The following NOL4 variants were observed in gnomAD, a reference collection of about 807,000 sequenced individuals.
The protein encoded by NOL4 is cancer/testis antigen 125.
Under a neutral mutation model 75.9 loss-of-function variants are expected in NOL4, and 17 were observed. The observed-to-expected ratio is 0.22, with a 90% CI of 0.15 to 0.34. The LOEUF (loss-of-function observed/expected upper bound fraction) is 0.34. Among genes scored for constraint, NOL4 ranks in the 10% least tolerant of loss-of-function variants. NOL4 has a pLI of 1.00. For missense variants in NOL4, 614 were observed against 793.5 expected, an observed-to-expected ratio of 0.77 and a Z score of 2.72; for synonymous variants, 292 against 289.9, an observed-to-expected ratio of 1.01 and a Z score of -0.07.
intron 1 of NOL4, among the ~76,000 whole-genome samples, chr18:34,130,281 T>A (rs899899290): frequency 1.3e-5 from 2 of 152,102 alleles, no homozygotes; most frequent in Non-Finnish European, 2.9e-5. Context: ...TTTAAGTTTT[T>A]ATAATGACTT....
At chr18:33,947,670 T>C (rs776813808) in intron 8 of NOL4, among the ~76,000 whole-genome samples, 49 of 151,996 alleles carry the variant, frequency 3.2e-4, no homozygotes, top group South Asian at 1.7e-3. Flanking sequence ...GAATATTTAT[T>C]ACATATTTAT....
intron 9 of NOL4, among the ~76,000 whole-genome samples, chr18:33,886,389 G>A (rs1043223062): frequency 1.5e-4 from 23 of 151,590 alleles, no homozygotes; most frequent in African/African-American, 4.8e-4. Flanking sequence ...TTAGCTGGGC[G>A]TGGTGGTGGG....
intron 10 of NOL4, among the ~76,000 whole-genome samples, chr18:33,874,049 G>A (rs1421375757): frequency 6.6e-6 from 1 of 151,906 alleles, no homozygotes; most frequent in Non-Finnish European, 1.5e-5. Context: ...AGATTTCTCT[G>A]GATGTCTAGA....
chr18:34,007,189 G>A (rs1426426465), intron 6 of NOL4, among the ~76,000 whole-genome samples: 1 of 151,930 alleles, frequency 6.6e-6, no homozygotes, highest in Non-Finnish European at 1.5e-5. Context: ...GTGCTGGCTG[G>A]GGTAATTGCT....
At chr18:33,903,157 G>T (rs1397939314) in intron 9 of NOL4, among the ~76,000 whole-genome samples, 1 of 152,112 alleles carries the variant, frequency 6.6e-6, no homozygotes, top group African/African-American at 2.4e-5. Flanking sequence ...CTGTATGGCT[G>T]GGGAGGCCTC....
At chr18:34,101,426 C>T (rs1023094539) in intron 4 of NOL4, among the ~76,000 whole-genome samples, 1 of 152,020 alleles carries the variant, frequency 6.6e-6, no homozygotes, top group African/African-American at 2.4e-5. Flanking sequence ...AGCCCCATGC[C>T]CCAAAAGAGA....
intron 1 of NOL4, among the ~76,000 whole-genome samples, chr18:34,167,561 T>TAGATAGATAGAC (rs1200688846): frequency 2.7e-4 from 40 of 150,692 alleles, no homozygotes; most frequent in East Asian, 2.1e-3. Context: ...GATAGATAGA[T>TAGATAGATAGAC]AGACAGACAG....
intron 6 of NOL4, among the ~76,000 whole-genome samples, chr18:33,987,812 G>A (rs1197039553): frequency 6.6e-6 from 1 of 152,076 alleles, no homozygotes; most frequent in Non-Finnish European, 1.5e-5. Flanking sequence ...GGGCATAGCA[G>A]TAGGTAGGCA....
chr18:34,192,782 T>A (rs762846534), intron 1 of NOL4, among the ~76,000 whole-genome samples: 18 of 152,136 alleles, frequency 1.2e-4, no homozygotes, highest in Non-Finnish European at 2.4e-4. Flanking sequence ...TTTTCAGAGG[T>A]AACCAGGTCA....
intron 9 of NOL4, among the ~76,000 whole-genome samples, chr18:33,918,761 A>C (rs2066871661): frequency 6.6e-6 from 1 of 152,232 alleles, no homozygotes. Context: ...GGTGAATCAA[A>C]AATCCTGTCA....
At chr18:34,064,436 T>C (rs1455680490) in intron 5 of NOL4, among the ~76,000 whole-genome samples, 1 of 151,960 alleles carries the variant, frequency 6.6e-6, no homozygotes, top group Non-Finnish European at 1.5e-5. Flanking sequence ...TATAAAAACC[T>C]TGGGCCCTGT....
intron 8 of NOL4, among the ~76,000 whole-genome samples, chr18:33,955,484 T>G (rs1286301375): frequency 6.6e-6 from 1 of 152,030 alleles, no homozygotes; most frequent in Non-Finnish European, 1.5e-5. Context: ...GTTTCTAAAT[T>G]TATATCTCCT....
intron 5 of NOL4, among the ~76,000 whole-genome samples, chr18:34,070,779 A>G (rs1040442663): frequency 2.0e-5 from 3 of 152,234 alleles, no homozygotes; most frequent in Non-Finnish European, 4.4e-5. Context: ...AGTTGAAAGA[A>G]ATAATAAATA....
At chr18:34,218,555 T>C (rs577659438) in intron 1 of NOL4, among the ~76,000 whole-genome samples, 27 of 152,320 alleles carry the variant, frequency 1.8e-4, no homozygotes, top group South Asian at 2.1e-4. Context: ...AGCTGACCTA[T>C]GCTGGGGACT....
chr18:34,015,634 A>C (rs2074643467), intron 6 of NOL4, among the ~76,000 whole-genome samples: 1 of 152,012 alleles, frequency 6.6e-6, no homozygotes, highest in Non-Finnish European at 1.5e-5. Flanking sequence ...TGATCTTATC[A>C]ACCACCACAG....
chr18:34,033,126 G>A (rs1006991014), intron 5 of NOL4, among the ~76,000 whole-genome samples: 2 of 152,052 alleles, frequency 1.3e-5, no homozygotes, highest in African/African-American at 4.8e-5. Context: ...AGATATCAAT[G>A]TAAAGGCACA....
At chr18:34,184,023 A>G (rs1198527801) in intron 1 of NOL4, among the ~76,000 whole-genome samples, 1 of 151,910 alleles carries the variant, frequency 6.6e-6, no homozygotes, top group Non-Finnish European at 1.5e-5. Context: ...TGCAACTGAT[A>G]GGATATGAAA....
At chr18:34,103,359 G>A (rs2079127213) in intron 4 of NOL4, among the ~76,000 whole-genome samples, 1 of 151,954 alleles carries the variant, frequency 6.6e-6, no homozygotes, top group African/African-American at 2.4e-5. Flanking sequence ...CTTAGTCCCT[G>A]CTTTGACATA....
chr18:34,150,530 A>G (rs2081595649), intron 1 of NOL4, among the ~76,000 whole-genome samples: 1 of 151,742 alleles, frequency 6.6e-6, no homozygotes, highest in Non-Finnish European at 1.5e-5. Context: ...CTGGATATGC[A>G]CGTGTGGAAA....
Sources: gnomAD v4.1 joint callset for allele counts (sites outside exome capture counted in the v4.1 genomes callset) on GRCh38, gnomAD v4.1.1 for gene constraint, MANE v1.5 for transcripts, NCBI Gene and HGNC (gene_info 2026-07-23, HGNC 2026-07-21) for gene names.